The following SENP7 variants were observed in gnomAD, a reference collection of about 807,000 sequenced individuals.
SENP7 encodes the protein sentrin-specific protease 7.
A neutral mutation model predicts 141.2 loss-of-function variants in SENP7; 64 were observed. The observed-to-expected ratio is 0.45, with a 90% CI of 0.37 to 0.56. The LOEUF is 0.56. SENP7 is among the 20% of genes least tolerant of loss of function. The pLI is 0.00. For synonymous variants in SENP7, 382 were observed against 426.4 expected (o/e 0.90, Z 1.28); for missense variants, 1,025 against 1,212.2 (o/e 0.85, Z 2.29).
Position 101,347,891 on chromosome 3 carries a change from G to T in SENP7, c.1818C>A (p.His606Gln). 1 of 1,573,448 alleles carries T rather than the reference G, an allele frequency of 6.4e-7. No individual in the cohort carries two copies. The highest frequency in any genetic ancestry group is 8.6e-7 in the Non-Finnish European group (1 of 1,157,226). ...ACTCACATTGCTGGCTTAATACAGA[G>T]TGTTCTAATTGGGTCTGAATCTCTT... ...YLQEIQTQLE[H>Q]SVLSQQSKSS... Residue 606 changes from histidine (H) to glutamine (Q), a missense_variant, in exon 13 of 24, where the codon CAC becomes CAA. His to Gln is a conservative substitution (Grantham distance 24, BLOSUM62 0). Around this residue, in one of 4 missense-constraint regions of SENP7, gnomAD observed 228 missense variants for 228.5 expected, o/e 1.00. Transcript: ENST00000394095.
chr3:101,437,627 T>C (rs2107748004), intron 4 of SENP7, among the ~76,000 whole-genome samples: 1 of 152,224 alleles, frequency 6.6e-6, no homozygotes, highest in African/African-American at 2.4e-5. Flanking sequence ...TGGGAGGGCT[T>C]GAGCCCAGGA....
intron 15 of SENP7, chr3:101,340,422 T>C (rs2059300295): frequency 1.9e-6 from 1 of 539,532 alleles, no homozygotes; most frequent in Non-Finnish European, 3.0e-6. Context: ...TCTTTTCTTT[T>C]CCAATACTTC....
At chr3:101,474,706 C>T (rs2064144778) in intron 3 of SENP7, among the ~76,000 whole-genome samples, 1 of 152,020 alleles carries the variant, frequency 6.6e-6, no homozygotes, top group South Asian at 2.1e-4. Flanking sequence ...CCAGGACTTC[C>T]AATACTATGT....
intron 3 of SENP7, among the ~76,000 whole-genome samples, chr3:101,480,304 T>C (rs1393635399): frequency 6.6e-6 from 1 of 152,130 alleles, no homozygotes; most frequent in Non-Finnish European, 1.5e-5. Context: ...AACAGCATAG[T>C]ACTGGTATTA....
At chr3:101,464,379 G>A (rs529693340) in intron 3 of SENP7, among the ~76,000 whole-genome samples, 124 of 152,202 alleles carry the variant, frequency 8.1e-4, no homozygotes, top group African/African-American at 2.6e-3. Flanking sequence ...GGAGGTGAGC[G>A]GCAAGTGAGC....
At chr3:101,365,153 C>A (rs1177487827) in intron 9 of SENP7, among the ~76,000 whole-genome samples, 162 bp from the exon 10 acceptor site, 4 of 151,880 alleles carry the variant, frequency 2.6e-5, no homozygotes, top group Admixed American at 2.6e-4. Context: ...CAGGCATGCG[C>A]CACCATGCCC....
At chr3:101,334,208 A>G (rs1488807336) in intron 17 of SENP7, among the ~76,000 whole-genome samples, 1 of 152,190 alleles carries the variant, frequency 6.6e-6, no homozygotes, top group Non-Finnish European at 1.5e-5. Flanking sequence ...CATCTGAGAC[A>G]GCCACCTTGA....
In SENP7 at chr3:101,324,938, T is replaced by C. The variant is rs151059776; in HGVS notation, c.*1005A>G. ...AATAAAAAATTAAGTTCCATGAGGA[T>C]CATAGGTCTCTAAAAGCTACAATTT... is the stretch of plus-strand genomic sequence containing the variant. On this transcript the variant is annotated 3_prime_UTR_variant, in exon 24 of 24. Transcript: ENST00000394095. 1 of 152,130 alleles carries C rather than the reference T, an allele frequency of 6.6e-6. No individual in the cohort carries two copies. The highest frequency in any genetic ancestry group is 6.6e-5 in the Admixed American group (1 of 15,246). 9.4% of individuals were successfully genotyped at this position (152,130 alleles called of 1,614,324 possible).
chr3:101,459,864 A>G (rs769919791), intron 3 of SENP7, among the ~76,000 whole-genome samples: 8 of 152,346 alleles, frequency 5.3e-5, no homozygotes, highest in Non-Finnish European at 1.2e-4. Flanking sequence ...CGAAAGGCCA[A>G]AATCAGTTGT....
chr3:101,446,609 A>G (rs964549051), intron 4 of SENP7, among the ~76,000 whole-genome samples: 1 of 152,232 alleles, frequency 6.6e-6, no homozygotes, highest in African/African-American at 2.4e-5. Context: ...TCAAGTAACA[A>G]GTGGAACACC....
chr3:101,417,673 T>C lies in SENP7; in HGVS notation c.402A>G (p.Ser134=), dbSNP rs34793967. Residue 134 remains serine, a synonymous_variant, in exon 5 of 24, where the codon TCA becomes TCG. Transcript: ENST00000394095. ...GGCTGTCAACAGATGTCGAAGGCAA[T>C]GAGTCTGATTGCACCTTGTTGGCAT... ...LCDANKVQSD[S]LPSTSVDSLE... is the part of the protein sequence containing the mutation. The C allele has an allele frequency of 2.0e-3, 3,190 of 1,614,020 alleles. 46 individuals carry two copies. The African/African-American group carries it at 0.033, about 17-fold the overall frequency.
chr3:101,372,876 T>C (rs1257505742), intron 6 of SENP7, among the ~76,000 whole-genome samples: 2 of 151,934 alleles, frequency 1.3e-5, no homozygotes, highest in Non-Finnish European at 2.9e-5. Flanking sequence ...AAATAGGAAT[T>C]ATATTGGTTA....
At chr3:101,492,799 A>G (rs982862577) in intron 3 of SENP7, among the ~76,000 whole-genome samples, 1 of 152,134 alleles carries the variant, frequency 6.6e-6, no homozygotes, top group African/African-American at 2.4e-5. Context: ...GAAGTTCAAG[A>G]CAAGCCTAGG....
At chr3:101,431,578 G>A (rs1322112962) in intron 4 of SENP7, among the ~76,000 whole-genome samples, 2 of 137,630 alleles carry the variant, frequency 1.5e-5, no homozygotes, top group South Asian at 2.4e-4. Context: ...GAGGTCAAGA[G>A]ATCGAGACCA....
intron 4 of SENP7, among the ~76,000 whole-genome samples, chr3:101,437,030 T>C (rs966279951): frequency 6.6e-6 from 1 of 152,204 alleles, no homozygotes; most frequent in African/African-American, 2.4e-5. Flanking sequence ...ATGGAGTATA[T>C]TCAGCCATAA....
chr3:101,363,605 G>A (rs888708456), intron 10 of SENP7, among the ~76,000 whole-genome samples: 3 of 152,186 alleles, frequency 2.0e-5, no homozygotes, highest in Non-Finnish European at 2.9e-5. Flanking sequence ...TATCAATAAT[G>A]ACACTTTTAA....
intron 3 of SENP7, among the ~76,000 whole-genome samples, chr3:101,487,595 T>G (rs2064785372): frequency 6.6e-6 from 1 of 152,164 alleles, no homozygotes; most frequent in African/African-American, 2.4e-5. Flanking sequence ...TAGTTTGAGG[T>G]TTTACATTTA....
chr3:101,390,422 A>C (rs1016443556), intron 6 of SENP7, among the ~76,000 whole-genome samples: 1 of 151,916 alleles, frequency 6.6e-6, no homozygotes, highest in Non-Finnish European at 1.5e-5. Flanking sequence ...AAACTTTAAG[A>C]CTGCTTTCGG....
At chr3:101,354,181 T>A (rs145607288) in intron 11 of SENP7, among the ~76,000 whole-genome samples, 4 of 152,228 alleles carry the variant, frequency 2.6e-5, no homozygotes, top group South Asian at 2.1e-4. Flanking sequence ...TTACTTTGAA[T>A]TGCTAAATCA....
Sources: allele counts gnomAD v4.1 joint callset (sites outside exome capture counted in the v4.1 genomes callset), GRCh38; gene constraint gnomAD v4.1.1; regional missense constraint gnomAD v4.1.1; transcripts MANE v1.5; gene names NCBI Gene and HGNC (gene_info 2026-07-23, HGNC 2026-07-21).